The following NSMCE4A variants were observed in gnomAD, a reference collection of about 807,000 sequenced individuals.
The protein encoded by NSMCE4A is non-structural maintenance of chromosomes element 4 homolog A.
A neutral mutation model predicts 47.9 loss-of-function variants in NSMCE4A; 40 were observed. That is an observed-to-expected ratio of 0.83 (90% confidence interval 0.65 to 1.09). NSMCE4A has a LOEUF of 1.09. Among genes scored for constraint, NSMCE4A ranks in the 50% least tolerant of loss-of-function variants. NSMCE4A has a pLI of 0.00. For synonymous variants in NSMCE4A, 166 were observed against 178.5 expected, an observed-to-expected ratio of 0.93 and a Z score of 0.56; for missense variants, 500 against 507.0, an observed-to-expected ratio of 0.99 and a Z score of 0.13.
At chr10:121,972,339 C>G (rs577703446) in intron 2 of NSMCE4A, among the ~76,000 whole-genome samples, 2 of 114,246 alleles carry the variant, frequency 1.8e-5, no homozygotes, top group Non-Finnish European at 2.2e-5. Context: ...TTTTCATACT[C>G]TCTGTTGCCT....
chr10:121,972,998 AG>A (rs1279982709), intron 2 of NSMCE4A, among the ~76,000 whole-genome samples: 20 of 152,194 alleles, frequency 1.3e-4, no homozygotes, highest in African/African-American at 4.8e-4. Context: ...GCACTGTGGG[AG>A]GCGGAGGCAG....
chr10:121,969,954 G>T (rs1952675942), intron 3 of NSMCE4A, among the ~76,000 whole-genome samples: 1 of 152,222 alleles, frequency 6.6e-6, no homozygotes, highest in African/African-American at 2.4e-5. Context: ...GACCTCAGGT[G>T]ATCCACCCGC....
At chr10:121,963,665 T>C (rs1952545722) in intron 5 of NSMCE4A, among the ~76,000 whole-genome samples, 1 of 151,854 alleles carries the variant, frequency 6.6e-6, no homozygotes, top group African/African-American at 2.4e-5. Flanking sequence ...TTTTTTTAGA[T>C]ATGGGGTCTT....
At chr10:121,973,685 T>G (rs749888378) in intron 2 of NSMCE4A, among the ~76,000 whole-genome samples, 19 of 152,104 alleles carry the variant, frequency 1.2e-4, no homozygotes, top group Non-Finnish European at 2.6e-4. Context: ...ACTCAACCAA[T>G]GTATACTAGG....
chr10:121,974,029 T>C lies in NSMCE4A; in HGVS notation c.345A>G (p.Glu115=). ...NAGDKLTEVL[E]EANTLFNEVS... ...CTTCATTAAACAGAGTGTTAGCCTC[T>C]TCAAGGACCTCTGTTAATTTGTCAC... Residue 115 remains glutamate, a synonymous_variant, in exon 2 of 11, where the codon GAA becomes GAG. Transcript: ENST00000369023. 1 of 1,604,144 alleles carries C rather than the reference T, an allele frequency of 6.2e-7. No homozygotes were observed. Among genetic ancestry groups the C allele is most frequent in the Non-Finnish European group, 8.5e-7 (1 of 1,173,546 alleles).
At chr10:121,963,153 AC>A in intron 6 of NSMCE4A, 84 bp downstream of exon 6, 2 of 662,498 alleles carry the variant, frequency 3.0e-6, no homozygotes. Context: ...AATATTACAT[AC>A]AGCTGAAATT....
Position 121,967,734 on chromosome 10 carries a change from A to T in NSMCE4A, c.574T>A (p.Phe192Ile). 1 of 1,614,180 alleles carries T rather than the reference A, an allele frequency of 6.2e-7. No individual in the cohort carries two copies. The highest frequency in any genetic ancestry group is 8.5e-7 in the Non-Finnish European group (1 of 1,180,016). ...ATCTTCCAGGAGTCATAGACTATGA[A>T]TTCAAAATCAGGACTATCTTCATCA... Reference protein sequence around the residue: ...IRDEDSPDFEFIVYDSWKITG... With the variant: ...IRDEDSPDFEIIVYDSWKITG... The change falls in exon 4 of 11, where the codon TTC becomes ATC. Residue 192 changes from phenylalanine (F) to isoleucine (I), a missense_variant. Coordinates refer to ENST00000369023, the MANE Select transcript of NSMCE4A (RefSeq NM_017615.3).
chr10:121,973,412 A>C (rs1163933431), intron 2 of NSMCE4A, among the ~76,000 whole-genome samples: 1 of 152,114 alleles, frequency 6.6e-6, no homozygotes, highest in Non-Finnish European at 1.5e-5. Flanking sequence ...GCTGCTACCA[A>C]TACCACTGCC....
At chr10:121,970,777 G>A (rs1190686010) in intron 3 of NSMCE4A, among the ~76,000 whole-genome samples, 162 bp downstream of exon 3, 1 of 152,146 alleles carries the variant, frequency 6.6e-6, no homozygotes, top group Admixed American at 6.5e-5. Context: ...CCACCACATG[G>A]TTCTACTTTC....
Position 121,975,048 on chromosome 10 carries a change from G to A in NSMCE4A, c.118C>T (p.Arg40Cys), listed in dbSNP as rs1417022667. The change falls in exon 1 of 11, where the codon CGC becomes TGC. Residue 40 changes from arginine to cysteine, a missense_variant. Transcript: ENST00000369023. ...TCTCTGCGCTCCCGCGCAGAGCCGCGGCGGGACCTGGGCGACAAAGGGGAC... is the reference window on the plus strand; with the variant it reads ...TCTCTGCGCTCCCGCGCAGAGCCGCAGCGGGACCTGGGCGACAAAGGGGAC... ...SRSPLSPRSRRGSARERREAP... is the reference protein window; with the variant it reads ...SRSPLSPRSRCGSARERREAP... 1 of 1,466,930 alleles carries A rather than the reference G, an allele frequency of 6.8e-7. No homozygotes were observed. Among genetic ancestry groups the A allele is most frequent in the East Asian group, 3.0e-5 (1 of 33,550 alleles). 90.9% of individuals were successfully genotyped at this position (1,466,930 alleles called of 1,614,324 possible). A position where few individuals can be genotyped will look rare whatever the true frequency, so the allele number is the denominator to read the frequency against.
intron 1 of NSMCE4A, 185 bp downstream of exon 1, chr10:121,974,689 C>T (rs1340186292): frequency 1.8e-6 from 2 of 1,112,158 alleles, no homozygotes; most frequent in Non-Finnish European, 2.2e-6. Context: ...ACGGCTCCAG[C>T]CACAAAGTGG....
At chr10:121,969,933 C>A (rs1458413865) in intron 3 of NSMCE4A, among the ~76,000 whole-genome samples, 2 of 152,000 alleles carry the variant, frequency 1.3e-5, no homozygotes, top group Admixed American at 1.3e-4. Context: ...CCAGGCTGGT[C>A]TGAAACTTCT....
At position 121,964,641 on chromosome 10, in the gene NSMCE4A, C is replaced by T. The variant is rs537592055; in HGVS notation, c.753+645G>A. ...ATTTTTAGTAGAGACGGGGTTTCCC[C>T]GTATTGGCCGGGCTGGTCTCGAACT... is the stretch of plus-strand genomic sequence containing the variant. On this transcript the variant is annotated intron_variant, in intron 5 of 10. Coordinates refer to ENST00000369023, the MANE Select transcript of NSMCE4A (RefSeq NM_017615.3). Among the ~76,000 whole-genome samples the T allele has an allele frequency of 4.6e-5, 7 of 150,850 alleles. No homozygotes were observed. In the South Asian group the frequency reaches 1.5e-3, roughly 32 times the overall value.
intron 3 of NSMCE4A, among the ~76,000 whole-genome samples, chr10:121,969,788 T>C (rs1311473087): frequency 2.0e-5 from 3 of 152,172 alleles, no homozygotes; most frequent in East Asian, 1.9e-4. Context: ...CGATCTCGGC[T>C]CACTGCAACT....
chr10:121,974,171 GC>G, intron 1 of NSMCE4A, 90 bp from the exon 2 acceptor site: 2 of 1,354,348 alleles, frequency 1.5e-6, no homozygotes, highest in Non-Finnish European at 1.0e-6. Context: ...GTAAAGCCAA[GC>G]CCCGGCCCCT....
At chr10:121,974,193 T>A in intron 1 of NSMCE4A, 112 bp from the exon 2 acceptor site, 1 of 1,353,694 alleles carries the variant, frequency 7.4e-7, no homozygotes, top group Non-Finnish European at 1.0e-6. Context: ...GCGCTCTGAG[T>A]AATTACTTCG....
intron 2 of NSMCE4A, among the ~76,000 whole-genome samples, 168 bp downstream of exon 2, chr10:121,973,836 T>C (rs903043767): frequency 6.6e-6 from 1 of 152,200 alleles, no homozygotes; most frequent in Non-Finnish European, 1.5e-5. Flanking sequence ...CCTTATTATA[T>C]GGTAAGTGCA....
In NSMCE4A at chr10:121,960,372, C is replaced by T. The variant is rs201568652; in HGVS notation, c.974G>A (p.Arg325Gln). 2.3e-4 allele frequency: 337 copies of T among 1,494,306 alleles called. 1 individual carries two copies. Among genetic ancestry groups the T allele is most frequent in the Admixed American group, 1.2e-3 (42 of 35,364 alleles). The allele number at this position is 1,494,306 out of a possible 1,614,324, so 92.6% of individuals were successfully genotyped here. ...GFARIRLDQD[R>Q]LPVIEPVSIN... ...GTATCATTTACCTATTACTGGCAGT[C>T]GGTCTTGGTCAAGTCTTATTCTTGC... The change falls in exon 8 of 11, where the codon CGA (arginine) becomes CAA (glutamine). Residue 325 changes from arginine (R) to glutamine (Q), a missense_variant. Arg to Gln is a conservative substitution (Grantham distance 43). Coordinates refer to ENST00000369023, the MANE Select transcript of NSMCE4A (RefSeq NM_017615.3). The surrounding 1 kb of genome is among the most constrained non-coding windows in gnomAD (Gnocchi z 4.2).
intron 5 of NSMCE4A, 45 bp from the exon 6 acceptor site, chr10:121,963,373 A>T (rs374764923): frequency 5.1e-5 from 58 of 1,141,164 alleles, no homozygotes; most frequent in Non-Finnish European, 7.4e-5. Context: ...TTACTGGCCT[A>T]TTAACGTTTT....
Sources: allele counts gnomAD v4.1 joint callset (sites outside exome capture counted in the v4.1 genomes callset), GRCh38; gene constraint gnomAD v4.1.1; non-coding constraint Gnocchi (gnomAD v3.1); transcripts MANE v1.5; gene names NCBI Gene and HGNC (gene_info 2026-07-23, HGNC 2026-07-21).